The following KRT73 variants were observed in gnomAD, a reference collection of about 807,000 sequenced individuals.
KRT73 encodes keratin 73.
KRT73 carries 44 observed loss-of-function variants against 47.2 expected under a neutral mutation model. The ratio of observed to expected loss-of-function variants is 0.93; its 90% CI spans 0.73 to 1.20. KRT73 has a LOEUF of 1.20. Among genes scored for constraint, KRT73 ranks in the 50% most tolerant of loss-of-function variants. The pLI is 0.00. For synonymous variants in KRT73, 285 were observed against 291.3 expected (o/e 0.98, Z 0.22); for missense variants, 713 against 704.5 (o/e 1.01, Z -0.14).
Position 52,610,772 on chromosome 12 carries a change from C to A in KRT73, c.1174G>T (p.Ala392Ser). The A allele has an allele frequency of 1.2e-6, 2 of 1,613,850 alleles. No homozygotes were observed. The highest frequency in any genetic ancestry group is 1.7e-6 in the Non-Finnish European group (2 of 1,180,014). Residue 392 changes from alanine (A) to serine (S), a missense_variant, in exon 7 of 9, where the codon GCC (alanine) becomes TCC (serine). Physicochemically the swap from Ala to Ser is moderately conservative, Grantham distance 99 (BLOSUM62 1). Transcript: ENST00000305748. ...EQRGDCALKD[A>S]RAKLDELEGA... Reference sequence around the variant, plus strand: ...TCCAGCTCATCCAGCTTGGCCCTGGCATCCTTGAGGGCACAGTCCCCCCGC... The same window carrying A: ...TCCAGCTCATCCAGCTTGGCCCTGGAATCCTTGAGGGCACAGTCCCCCCGC...
At chr12:52,611,943 T>C (rs1227972845) in intron 5 of KRT73, among the ~76,000 whole-genome samples, 3 of 152,230 alleles carry the variant, frequency 2.0e-5, no homozygotes, top group Non-Finnish European at 4.4e-5. Flanking sequence ...CACCAGTCCA[T>C]AGGTCTCCCC....
chr12:52,615,314 T>C lies in KRT73; in HGVS notation c.688A>G (p.Thr230Ala). Residue 230 changes from threonine (T) to alanine (A), a missense_variant, in exon 3 of 9, where the codon ACA (threonine) becomes GCA (alanine). Transcript: ENST00000305748. ...KRYEEEINKR[T>A]TAENEFVVLK... Reference sequence around the variant, plus strand: ...ACCACAAATTCATTCTCAGCAGTTGTGCGCTTGTTTATTTCTTCTTCATAC... The same window carrying C: ...ACCACAAATTCATTCTCAGCAGTTGCGCGCTTGTTTATTTCTTCTTCATAC... 1.2e-6 allele frequency: 2 copies of C among 1,614,114 alleles called. No homozygotes were observed. The highest frequency in any genetic ancestry group is 1.7e-6 in the Non-Finnish European group (2 of 1,179,974).
chr12:52,618,004 C>A, intron 1 of KRT73, 74 bp downstream of exon 1: 1 of 1,486,704 alleles, frequency 6.7e-7, no homozygotes, highest in Non-Finnish European at 9.1e-7. Context: ...AATTGAACCA[C>A]AAATTAGGGC....
At chr12:52,627,920 T>C in the KRT73 span, among the ~76,000 whole-genome samples, 10 of 152,202 alleles carry the variant, frequency 6.6e-5, no homozygotes, top group Non-Finnish European at 1.5e-4. Flanking sequence ...TGTGTGTGTG[T>C]GCACATGTGC....
At chr12:52,617,898 T>TA (rs1940842909) in intron 1 of KRT73, among the ~76,000 whole-genome samples, 180 bp downstream of exon 1, 1 of 152,188 alleles carries the variant, frequency 6.6e-6, no homozygotes, top group Non-Finnish European at 1.5e-5. Flanking sequence ...CTCTACGGCA[T>TA]GAGCAAGCCT....
chr12:52,613,882 C>T, intron 4 of KRT73, 30 bp from the exon 5 acceptor site: 1 of 1,603,954 alleles, frequency 6.2e-7, no homozygotes, highest in Non-Finnish European at 8.5e-7. Flanking sequence ...GCATGAAATG[C>T]CTTCTGTGAC....
At chr12:52,615,949 G>A (rs1940804317) in intron 2 of KRT73, among the ~76,000 whole-genome samples, 1 of 152,142 alleles carries the variant, frequency 6.6e-6, no homozygotes, top group Admixed American at 6.5e-5. Context: ...GAGCAGGAAG[G>A]AGCATGCCAA....
chr12:52,630,188 C>T, the KRT73 span, among the ~76,000 whole-genome samples: 1 of 152,148 alleles, frequency 6.6e-6, no homozygotes, highest in South Asian at 2.1e-4. Flanking sequence ...CACTGCTGAA[C>T]GAAGCCTGAG....
At chr12:52,622,018 C>A (rs1487949634), upstream of KRT73, among the ~76,000 whole-genome samples, 1 of 152,148 alleles carries the variant, frequency 6.6e-6, no homozygotes, top group Non-Finnish European at 1.5e-5. Flanking sequence ...AAGAAGGCAG[C>A]CAAAACAGAA....
At chr12:52,624,175 G>A in the KRT73 span, among the ~76,000 whole-genome samples, 1 of 151,854 alleles carries the variant, frequency 6.6e-6, no homozygotes, top group Non-Finnish European at 1.5e-5. Flanking sequence ...AATTTAAAAA[G>A]ACCAATTCAC....
At chr12:52,611,574 T>G in intron 5 of KRT73, 1 of 511,208 alleles carries the variant, frequency 2.0e-6, no homozygotes, top group Non-Finnish European at 3.5e-6. Context: ...AGACTCTCCA[T>G]ATGGCAACTT....
upstream of KRT73, among the ~76,000 whole-genome samples, chr12:52,622,160 A>C (rs1940918052): frequency 6.6e-6 from 1 of 152,260 alleles, no homozygotes; most frequent in Non-Finnish European, 1.5e-5. Context: ...ATAGATGCCA[A>C]TACTTAGATG....
At chr12:52,615,236 C>T in intron 3 of KRT73, 43 bp downstream of exon 3, 2 of 1,536,424 alleles carry the variant, frequency 1.3e-6, no homozygotes, top group South Asian at 1.1e-5. Context: ...TAGCCCAGCA[C>T]CCACTGCTGG....
intron 1 of KRT73, among the ~76,000 whole-genome samples, chr12:52,616,909 ATC>A (rs536907856): frequency 6.6e-6 from 1 of 152,116 alleles, no homozygotes; most frequent in Non-Finnish European, 1.5e-5. Flanking sequence ...AATCTCTACT[ATC>A]TCAATCACAG....
chr12:52,619,871 C>T (rs1940873693), upstream of KRT73, among the ~76,000 whole-genome samples: 4 of 152,110 alleles, frequency 2.6e-5, no homozygotes, highest in African/African-American at 9.7e-5. Flanking sequence ...AGCTGGAGTA[C>T]TTGAATGAAC....
At chr12:52,627,986 A>T in the KRT73 span, among the ~76,000 whole-genome samples, 2 of 152,174 alleles carry the variant, frequency 1.3e-5, no homozygotes. Context: ...CTCAGGGAAG[A>T]TCTTATTAGT....
chr12:52,616,031 G>T (rs570046662), intron 2 of KRT73, 135 bp downstream of exon 2: 4 of 1,044,660 alleles, frequency 3.8e-6, no homozygotes, highest in Non-Finnish European at 5.6e-6. Flanking sequence ...AGTCTGCCTC[G>T]TTGCCCATAG....
rs1181710985 is a variant in KRT73, at chr12:52,618,368, C to T, written c.157G>A (p.Gly53Ser). The change falls in exon 1 of 9, where the codon GGT (glycine) becomes AGT (serine). Residue 53 changes from glycine (G) to serine (S), a missense_variant. Coordinates refer to ENST00000305748, the MANE Select transcript of KRT73 (RefSeq NM_175068.3). The part of the protein sequence containing the change: ...FSSRSLYSLG[G>S]ARSISFNVAS... The stretch of plus-strand genomic sequence containing the variant: ...ACATTGAAAGAGATGCTCCGGGCAC[C>T]CCCCAGGCTGTAAAGGCTCCGACTG... 1 of 1,614,214 alleles carries T rather than the reference C, an allele frequency of 6.2e-7. No individual in the cohort carries two copies. The highest frequency in any genetic ancestry group is 1.7e-5 in the Admixed American group (1 of 60,032).
intron 5 of KRT73, chr12:52,613,297 T>A (rs1320242485): frequency 6.1e-6 from 1 of 164,542 alleles, no homozygotes; most frequent in East Asian, 1.7e-4. Flanking sequence ...TGATTCCAGA[T>A]CACACTGAAG....
Sources: allele counts gnomAD v4.1 joint callset (sites outside exome capture counted in the v4.1 genomes callset), GRCh38; gene constraint gnomAD v4.1.1; transcripts MANE v1.5; gene names NCBI Gene and HGNC (gene_info 2026-07-23, HGNC 2026-07-21).